Variants in CDK8 observed in about 807,000 individuals in gnomAD.
The protein encoded by CDK8 is cyclin dependent kinase 8.
In CDK8, 29 loss-of-function variants were observed where a neutral mutation model predicts 71.5. That is an observed-to-expected ratio of 0.41 (90% CI 0.30 to 0.55). The LOEUF (loss-of-function observed/expected upper bound fraction) is 0.55. Among genes scored for constraint, CDK8 ranks in the 20% least tolerant of loss-of-function variants. The pLI, the probability that CDK8 is intolerant of heterozygous loss-of-function variation, is 0.37. For missense variants in CDK8, 288 were observed against 572.6 expected, an observed-to-expected ratio of 0.50 and a Z score of 5.07; for synonymous variants, 161 against 192.1, an observed-to-expected ratio of 0.84 and a Z score of 1.34.
intron 1 of CDK8, among the ~76,000 whole-genome samples, chr13:26,297,553 G>T (rs1287447759): frequency 2.6e-5 from 4 of 152,028 alleles, no homozygotes; most frequent in Admixed American, 2.6e-4. Context: ...GCTGACTTAG[G>T]CTTTTTTAAA....
chr13:26,322,343 C>T (rs1473662965), intron 1 of CDK8, among the ~76,000 whole-genome samples: 1 of 152,130 alleles, frequency 6.6e-6, no homozygotes, highest in Admixed American at 6.6e-5. Flanking sequence ...AATGACCCTG[C>T]CTTGTGAGAT....
At chr13:26,333,409 G>A (rs1441353567) in intron 1 of CDK8, among the ~76,000 whole-genome samples, 1 of 152,038 alleles carries the variant, frequency 6.6e-6, no homozygotes, top group African/African-American at 2.4e-5. Context: ...CAAAGTGCTG[G>A]GATTACAGGT....
At chr13:26,290,611 A>G (rs938525955) in intron 1 of CDK8, among the ~76,000 whole-genome samples, 1 of 152,106 alleles carries the variant, frequency 6.6e-6, no homozygotes, top group African/African-American at 2.4e-5. Context: ...CTATGAATAG[A>G]TTTCTTGAAG....
At chr13:26,292,042 C>G (rs1289340580) in intron 1 of CDK8, among the ~76,000 whole-genome samples, 2 of 152,150 alleles carry the variant, frequency 1.3e-5, no homozygotes, top group Non-Finnish European at 2.9e-5. Context: ...ACATCAGATT[C>G]ATACATTATG....
chr13:26,299,404 G>A (rs1315579877), intron 1 of CDK8, among the ~76,000 whole-genome samples: 1 of 152,112 alleles, frequency 6.6e-6, no homozygotes, highest in Non-Finnish European at 1.5e-5. Flanking sequence ...ACACACCTAG[G>A]CTATATTGTA....
chr13:26,265,194 C>T (rs971009357), intron 1 of CDK8, among the ~76,000 whole-genome samples: 2 of 152,056 alleles, frequency 1.3e-5, no homozygotes, highest in Non-Finnish European at 2.9e-5. Flanking sequence ...GTTTACATTC[C>T]CACCAACTAT....
intron 4 of CDK8, among the ~76,000 whole-genome samples, chr13:26,358,794 A>T (rs908776434): frequency 6.6e-6 from 1 of 152,216 alleles, no homozygotes; most frequent in African/African-American, 2.4e-5. Flanking sequence ...ATGTACATAC[A>T]ATAGAATATT....
At chr13:26,397,783 T>TAACA (rs906299709) in intron 9 of CDK8, among the ~76,000 whole-genome samples, 87 of 152,310 alleles carry the variant, frequency 5.7e-4, no homozygotes, top group African/African-American at 2.0e-3. Context: ...ATCCGTGCAC[T>TAACA]AACAAGGTAA....
At chr13:26,383,274 G>A (rs1000234392) in intron 5 of CDK8, among the ~76,000 whole-genome samples, 2 of 152,138 alleles carry the variant, frequency 1.3e-5, no homozygotes, top group Non-Finnish European at 2.9e-5. Flanking sequence ...TGTTGACCTC[G>A]TCTAGATTAG....
At chr13:26,336,841 A>C (rs2137972373) in intron 1 of CDK8, among the ~76,000 whole-genome samples, 1 of 152,248 alleles carries the variant, frequency 6.6e-6, no homozygotes, top group Admixed American at 6.5e-5. Flanking sequence ...GGCGTGAGCC[A>C]CCGCGCCCGG....
chr13:26,387,011 CTCTT>C (rs1182579003), intron 6 of CDK8, among the ~76,000 whole-genome samples: 2 of 152,174 alleles, frequency 1.3e-5, no homozygotes, highest in African/African-American at 4.8e-5. Flanking sequence ...TTCTGTTTCT[CTCTT>C]TCCTCAACTC....
chr13:26,258,270 A>G (rs950859699), intron 1 of CDK8, among the ~76,000 whole-genome samples: 2 of 152,178 alleles, frequency 1.3e-5, no homozygotes, highest in Non-Finnish European at 2.9e-5. Flanking sequence ...CCTATAATTA[A>G]TATATTGAAT....
At chr13:26,380,389 C>A (rs540063894) in intron 4 of CDK8, among the ~76,000 whole-genome samples, 2 of 152,128 alleles carry the variant, frequency 1.3e-5, no homozygotes, top group Non-Finnish European at 2.9e-5. Context: ...TCATGTTGTT[C>A]AGGCTAGTCT....
At chr13:26,261,366 T>G (rs1871763102) in intron 1 of CDK8, among the ~76,000 whole-genome samples, 1 of 152,188 alleles carries the variant, frequency 6.6e-6, no homozygotes, top group South Asian at 2.1e-4. Flanking sequence ...AGTATAGTGT[T>G]TTTTAGTAGA....
chr13:26,307,750 T>G (rs1874107684), intron 1 of CDK8, among the ~76,000 whole-genome samples: 1 of 152,184 alleles, frequency 6.6e-6, no homozygotes, highest in African/African-American at 2.4e-5. Flanking sequence ...TTCTATACCA[T>G]GTATAGATGT....
At chr13:26,349,622 A>G (rs1873603870) in intron 3 of CDK8, among the ~76,000 whole-genome samples, 2 of 152,170 alleles carry the variant, frequency 1.3e-5, no homozygotes, top group African/African-American at 4.8e-5. Context: ...TTCTACCATT[A>G]TTTGTCGTAT....
At chr13:26,271,863 G>A (rs911159276) in intron 1 of CDK8, among the ~76,000 whole-genome samples, 1 of 118,698 alleles carries the variant, frequency 8.4e-6, no homozygotes, top group African/African-American at 3.5e-5. Flanking sequence ...CATAAAAATT[G>A]GTATACCTGT....
At chr13:26,334,648 G>C (rs1344583493) in intron 1 of CDK8, among the ~76,000 whole-genome samples, 1 of 151,994 alleles carries the variant, frequency 6.6e-6, no homozygotes, top group Non-Finnish European at 1.5e-5. Context: ...TAAGGATTTG[G>C]CATAAAATAT....
chr13:26,336,836 G>A (rs1873013725), intron 1 of CDK8, among the ~76,000 whole-genome samples: 1 of 152,160 alleles, frequency 6.6e-6, no homozygotes. Flanking sequence ...TTACAGGCGT[G>A]AGCCACCGCG....
Sources: gnomAD v4.1 joint callset for allele counts (sites outside exome capture counted in the v4.1 genomes callset) on GRCh38, gnomAD v4.1.1 for gene constraint, MANE v1.5 for transcripts, NCBI Gene and HGNC (gene_info 2026-07-23, HGNC 2026-07-21) for gene names.